Variants in DTNA observed in about 807,000 individuals in gnomAD.
DTNA encodes the protein dystrophin-related protein 3.
In DTNA, 43 loss-of-function variants were observed where a neutral mutation model predicts 100.7. That is an observed-to-expected ratio of 0.43 (90% CI 0.33 to 0.55). The LOEUF is 0.55. Among genes scored for constraint, DTNA ranks in the 20% least tolerant of loss-of-function variants. DTNA has a pLI of 0.04. For synonymous variants in DTNA, 349 were observed against 347.9 expected (o/e 1.00, Z -0.04); for missense variants, 798 against 953.9 (o/e 0.84, Z 2.15).
chr18:34,651,478 A>G (rs144060139), intron 1 of DTNA, among the ~76,000 whole-genome samples: 14 of 152,328 alleles, frequency 9.2e-5, no homozygotes, highest in African/African-American at 2.9e-4. Context: ...ATTCAATAAT[A>G]GAGGATATGC....
intron 1 of DTNA, among the ~76,000 whole-genome samples, chr18:34,587,714 C>A (rs1054033210): frequency 6.6e-6 from 1 of 152,072 alleles, no homozygotes; most frequent in Non-Finnish European, 1.5e-5. Flanking sequence ...CAAATGAAAT[C>A]TTTATTTTCA....
intron 1 of DTNA, among the ~76,000 whole-genome samples, chr18:34,496,244 A>ACACACC (rs1367443521): frequency 2.0e-5 from 3 of 147,426 alleles, no homozygotes; most frequent in African/African-American, 7.4e-5. Context: ...ACACACACAC[A>ACACACC]CCAGAATTAT....
At position 34,548,684 on chromosome 18, in the gene DTNA, G is replaced by A. The variant is rs2145885280; in HGVS notation, c.-2+55170G>A. Among the ~76,000 whole-genome samples the A allele has an allele frequency of 1.3e-5, 2 of 152,122 alleles. 1 individual carries two copies. The highest frequency in any genetic ancestry group is 6.8e-3 in the Middle Eastern group (2 of 294). Reference sequence around the variant, plus strand: ...TTAGCCTCCTAACCATCCCAAGCCAGGAGTCAAAATTCCTAAATATCTGCC... The same window carrying A: ...TTAGCCTCCTAACCATCCCAAGCCAAGAGTCAAAATTCCTAAATATCTGCC... On this transcript the variant is annotated intron_variant, in intron 1 of 19. Transcript: ENST00000283365.
At chr18:34,586,137 A>G (rs2049112262) in intron 1 of DTNA, among the ~76,000 whole-genome samples, 1 of 152,226 alleles carries the variant, frequency 6.6e-6, no homozygotes, top group Admixed American at 6.5e-5. Flanking sequence ...AAGGTTCCAT[A>G]GAAAACAACA....
intron 1 of DTNA, among the ~76,000 whole-genome samples, chr18:34,544,064 T>C (rs903502814): frequency 2.6e-5 from 4 of 152,054 alleles, no homozygotes; most frequent in African/African-American, 7.2e-5. Context: ...AGGAAAATAT[T>C]GATTATGCAA....
chr18:34,587,639 T>C (rs1327200005), intron 1 of DTNA, among the ~76,000 whole-genome samples: 2 of 152,194 alleles, frequency 1.3e-5, no homozygotes, highest in East Asian at 3.8e-4. Flanking sequence ...ATTGTAGGGA[T>C]GAAGAAATAG....
intron 17 of DTNA, 140 bp from the exon 18 acceptor site, chr18:34,875,099 G>T: frequency 7.9e-7 from 1 of 1,267,316 alleles, no homozygotes; most frequent in Non-Finnish European, 1.1e-6. Context: ...TTAGCTTTAG[G>T]ATTACCAACA....
intron 5 of DTNA, among the ~76,000 whole-genome samples, chr18:34,806,992 G>A (rs2095377625): frequency 1.3e-5 from 2 of 152,244 alleles, no homozygotes; most frequent in Admixed American, 1.3e-4. Flanking sequence ...GACGATGCCA[G>A]GATTTGAACC....
At chr18:34,848,263 C>T (rs1407746348) in intron 13 of DTNA, 33 bp from the exon 14 acceptor site, 1 of 1,608,120 alleles carries the variant, frequency 6.2e-7, no homozygotes. Flanking sequence ...TCTCAGTTGC[C>T]TAACGGTCTC....
At chr18:34,755,942 G>A (rs1174710005) in intron 1 of DTNA, 34 bp from the exon 2 acceptor site, 9 of 1,593,026 alleles carry the variant, frequency 5.6e-6, no homozygotes, top group African/African-American at 1.3e-5. Context: ...AATAGCGTGA[G>A]GATAATACAC....
At chr18:34,747,779 TTGCAAATTGTGC>T (rs1246138446) in intron 1 of DTNA, among the ~76,000 whole-genome samples, 3 of 152,206 alleles carry the variant, frequency 2.0e-5, no homozygotes, top group Non-Finnish European at 4.4e-5. Context: ...ATCTTTGCAA[TTGCAAATTGTGC>T]TGCAAATTGT....
At chr18:34,666,138 A>G (rs2075890190) in intron 1 of DTNA, among the ~76,000 whole-genome samples, 1 of 152,104 alleles carries the variant, frequency 6.6e-6, no homozygotes, top group Non-Finnish European at 1.5e-5. Context: ...ATGATATCTC[A>G]TTGTGGTTTT....
rs541839941 is a variant in DTNA at position 34,500,621 on chromosome 18, G to T, written c.-2+7107G>T. Among the ~76,000 whole-genome samples, 74 of 151,248 alleles carry T rather than the reference G, an allele frequency of 4.9e-4. 1 individual carries two copies. In the South Asian group the frequency reaches 6.9e-3, roughly 14 times the overall value. ...TGGGATTACAGGCACCCACCCCCAC[G>T]CCCAGCTAATTTTTGTATTTTTGGT... On this transcript the variant is annotated intron_variant, in intron 1 of 19. Coordinates refer to the DTNA transcript ENST00000283365.
In DTNA at chr18:34,864,038, G is replaced by T; in HGVS notation, c.1719G>T (p.Leu573Phe). ...QESRRELMVQ[L>F]EGLMKLLKTQ... Reference sequence around the variant, plus strand: ...GCCGGAGAGAGCTAATGGTCCAGTTGGAGGGTCTCATGAAGCTACTAAAGG... The same window carrying T: ...GCCGGAGAGAGCTAATGGTCCAGTTTGAGGGTCTCATGAAGCTACTAAAGG... The change falls in exon 17 of 23, where the codon TTG becomes TTT. Residue 573 changes from leucine to phenylalanine, a missense_variant. Physicochemically the swap from Leu to Phe is conservative, Grantham distance 22. Around this residue, in one of 6 missense-constraint regions of DTNA, gnomAD observed 26 missense variants for 55.0 expected, o/e 0.47. Transcript: ENST00000444659. 6.2e-7 allele frequency: 1 copy of T among 1,611,410 alleles called. No individual in the cohort carries two copies.
chr18:34,531,501 A>T (rs1397731306), intron 1 of DTNA, among the ~76,000 whole-genome samples: 1 of 152,140 alleles, frequency 6.6e-6, no homozygotes, highest in Non-Finnish European at 1.5e-5. Context: ...TTTGTCTTGC[A>T]TTTGCTCATC....
intron 1 of DTNA, among the ~76,000 whole-genome samples, chr18:34,741,800 T>C (rs763603866): frequency 1.3e-5 from 2 of 152,220 alleles, no homozygotes; most frequent in Non-Finnish European, 2.9e-5. Context: ...ATTTATTAAA[T>C]ATTGAGTAAT....
chr18:34,798,416 C>CA (rs1220327690), intron 4 of DTNA, among the ~76,000 whole-genome samples: 16 of 151,152 alleles, frequency 1.1e-4, no homozygotes, highest in African/African-American at 3.6e-4. Context: ...TTCTGCTCCA[C>CA]AGAAAAAAAA....
chr18:34,549,688 T>A (rs1014406981), intron 1 of DTNA, among the ~76,000 whole-genome samples: 2 of 152,126 alleles, frequency 1.3e-5, no homozygotes, highest in African/African-American at 4.8e-5. Flanking sequence ...TTTAATTGTT[T>A]TATTTCCTTT....
At chr18:34,698,903 A>G (rs893832474) in intron 1 of DTNA, among the ~76,000 whole-genome samples, 1 of 151,214 alleles carries the variant, frequency 6.6e-6, no homozygotes, top group Non-Finnish European at 1.5e-5. Flanking sequence ...TTGGCAACAC[A>G]CTCACCCAGG....
Sources: allele counts gnomAD v4.1 joint callset (sites outside exome capture counted in the v4.1 genomes callset), GRCh38; gene constraint gnomAD v4.1.1; regional missense constraint gnomAD v4.1.1; transcripts MANE v1.5; gene names NCBI Gene and HGNC (gene_info 2026-07-23, HGNC 2026-07-21).